Variants in EIF2AK1 observed in about 807,000 individuals in gnomAD.
EIF2AK1 encodes the protein eukaryotic translation initiation factor 2 alpha kinase 1, also known as eukaryotic translation initiation factor 2-alpha kinase 1.
A neutral mutation model predicts 77.9 loss-of-function variants in EIF2AK1; 54 were observed. The observed-to-expected ratio is 0.69, with a 90% CI of 0.56 to 0.87. The LOEUF (loss-of-function observed/expected upper bound fraction) is 0.87, where lower values mean the gene tolerates loss of function less well. Ranked by LOEUF, EIF2AK1 falls within the 40% of genes least tolerant of loss-of-function variation. The pLI, the probability that EIF2AK1 is intolerant of heterozygous loss-of-function variation, is 0.00. For synonymous variants in EIF2AK1, 314 were observed against 290.5 expected (o/e 1.08, Z -0.82); for missense variants, 810 against 768.6 (o/e 1.05, Z -0.64).
chr7:6,036,430 C>A lies in EIF2AK1; in HGVS notation c.1332+994G>T. ...CACAGCAGAGGGACTTTCAGCCACT[C>A]AAACTGCATTTTCTGGCTAGACATG... On this transcript the variant is annotated intron_variant, in intron 11 of 14. Coordinates refer to ENST00000199389, the MANE Select transcript of EIF2AK1 (RefSeq NM_014413.4). The surrounding 1 kb of genome is among the most constrained non-coding windows in gnomAD (Gnocchi z 4.6). 7.3e-7 allele frequency: 1 copy of A among 1,374,956 alleles called. No individual in the cohort carries two copies. The highest frequency in any genetic ancestry group is 1.6e-5 in the South Asian group (1 of 62,132). 85.2% of individuals were successfully genotyped at this position (1,374,956 alleles called of 1,614,324 possible).
intron 1 of EIF2AK1, 34 bp downstream of exon 1, chr7:6,058,932 A>G (rs1788873562): frequency 1.3e-6 from 2 of 1,485,972 alleles, no homozygotes; most frequent in Non-Finnish European, 1.8e-6. Context: ...GGACAGAGAG[A>G]GCAGAGCGGC....
rs1787767160 is a variant in EIF2AK1, at chr7:6,027,011, G to C, written c.1531-50C>G. The C allele has an allele frequency of 2.0e-6, 3 of 1,483,848 alleles. No individual in the cohort carries two copies. 91.9% of individuals were successfully genotyped at this position (1,483,848 alleles called of 1,614,324 possible). A position where few individuals can be genotyped will look rare whatever the true frequency, so the allele number is the denominator to read the frequency against. The stretch of plus-strand genomic sequence containing the variant: ...TCAGTAGTGAAATACAAAGTTAGAA[G>C]AACGTTTCCATTTCCGTGTTCCACC... On this transcript the variant is annotated intron_variant, in intron 13 of 14. Transcript: ENST00000199389. This position sits in a 1 kb window ranked among gnomAD's most constrained non-coding sequence, Gnocchi z 4.5.
chr7:6,042,164 A>G (rs2128889462), intron 8 of EIF2AK1, among the ~76,000 whole-genome samples: 1 of 152,098 alleles, frequency 6.6e-6, no homozygotes, highest in African/African-American at 2.4e-5. Context: ...AAATAATAAA[A>G]AATAGGCCAG....
In EIF2AK1 at chr7:6,035,338, G is replaced by A. The variant is rs1378434572; in HGVS notation, c.1332+2086C>T. 2.7e-6 allele frequency: 3 copies of A among 1,092,072 alleles called. No individual in the cohort carries two copies. The highest frequency in any genetic ancestry group is 1.3e-6 in the Non-Finnish European group (1 of 772,470). 67.6% of individuals were successfully genotyped at this position (1,092,072 alleles called of 1,614,324 possible). ...TTTGAAACACGTCCTTAAGGTAATTGAAGGGTCTTACTTTAAATAAATACT... is the reference window on the plus strand; with the variant it reads ...TTTGAAACACGTCCTTAAGGTAATTAAAGGGTCTTACTTTAAATAAATACT... On this transcript the variant is annotated intron_variant, in intron 11 of 14. Coordinates refer to ENST00000199389, the MANE Select transcript of EIF2AK1 (RefSeq NM_014413.4). This position sits in a 1 kb window ranked among gnomAD's most constrained non-coding sequence, Gnocchi z 5.5.
chr7:6,038,776 CT>C, intron 9 of EIF2AK1, 105 bp from the exon 10 acceptor site: 1 of 920,736 alleles, frequency 1.1e-6, no homozygotes, highest in East Asian at 2.9e-5. Flanking sequence ...GAGAGTAGGC[CT>C]CTAGGGAAGT....
chr7:6,042,440 G>A (rs1308697095), intron 8 of EIF2AK1, among the ~76,000 whole-genome samples: 1 of 145,478 alleles, frequency 6.9e-6, no homozygotes. Flanking sequence ...GACAGAGCGA[G>A]ACTCCATCTC....
intron 11 of EIF2AK1, among the ~76,000 whole-genome samples, chr7:6,029,513 C>A (rs1473978727): frequency 6.6e-6 from 1 of 150,980 alleles, no homozygotes; most frequent in Non-Finnish European, 1.5e-5. Context: ...AAAACCTCAA[C>A]ATTCAACCAT....
rs1233284667 is a variant in EIF2AK1 at position 6,027,711 on chromosome 7, G to A, written c.1531-750C>T. Among the ~76,000 whole-genome samples, 1 of 152,002 alleles carries A rather than the reference G, an allele frequency of 6.6e-6. No homozygotes were observed. The highest frequency in any genetic ancestry group is 1.5e-5 in the Non-Finnish European group (1 of 68,010). ...CAATGAGAAGAAAGGCTGAAAACAG[G>A]CTTCCATGAATTCTAGCTTCCTGAG... On this transcript the variant is annotated intron_variant, in intron 13 of 14. Coordinates refer to ENST00000199389, the MANE Select transcript of EIF2AK1 (RefSeq NM_014413.4). The surrounding 1 kb of genome is among the most constrained non-coding windows in gnomAD (Gnocchi z 4.5).
chr7:6,037,045 T>C lies in EIF2AK1; in HGVS notation c.1332+379A>G, dbSNP rs556551521. Among the ~76,000 whole-genome samples, 10 of 152,036 alleles carry C rather than the reference T, an allele frequency of 6.6e-5. No homozygotes were observed. The East Asian group carries it at 1.9e-3, about 29-fold the overall frequency. ...GAGTTCAAGATCAACCTGGGCAACA[T>C]AGTAAAACTCCATCTCTACAAAAAA... On this transcript the variant is annotated intron_variant, in intron 11 of 14. Coordinates refer to ENST00000199389, the MANE Select transcript of EIF2AK1 (RefSeq NM_014413.4).
At chr7:6,028,427 T>G (rs561531776) in intron 13 of EIF2AK1, among the ~76,000 whole-genome samples, 188 bp downstream of exon 13, 1 of 152,348 alleles carries the variant, frequency 6.6e-6, no homozygotes, top group African/African-American at 2.4e-5. Context: ...AATTTTTGTA[T>G]TTTTAGTAGA....
intron 2 of EIF2AK1, among the ~76,000 whole-genome samples, chr7:6,054,316 G>A: frequency 6.6e-6 from 1 of 151,898 alleles, no homozygotes; most frequent in East Asian, 1.9e-4. Context: ...CTGATTCTCC[G>A]CCTCAGCCTC....
In EIF2AK1 at chr7:6,047,153, C is replaced by T. The variant is rs1000634653; in HGVS notation, c.450-62G>A. 4.1e-6 allele frequency: 6 copies of T among 1,476,802 alleles called. No homozygotes were observed. In the South Asian group the frequency reaches 4.6e-5, roughly 11 times the overall value. 91.5% of individuals were successfully genotyped at this position (1,476,802 alleles called of 1,614,324 possible). ...GAGAGAATCAAAATGTTCTAGGATA[C>T]CTCATGCTCACAGGATTACTAACCT... is the stretch of plus-strand genomic sequence containing the variant. On this transcript the variant is annotated intron_variant, in intron 4 of 14. Transcript: ENST00000199389.
chr7:6,040,116 A>T (rs1166119348), intron 9 of EIF2AK1, among the ~76,000 whole-genome samples: 2 of 151,928 alleles, frequency 1.3e-5, no homozygotes, highest in Non-Finnish European at 2.9e-5. Context: ...GTCTTCCTCT[A>T]GTTGCCCAGG....
intron 12 of EIF2AK1, 104 bp from the exon 13 acceptor site, chr7:6,028,801 G>A: frequency 7.1e-7 from 1 of 1,404,754 alleles, no homozygotes; most frequent in Non-Finnish European, 1.0e-6. Flanking sequence ...AACAACAGTT[G>A]CTTTGTATCT....
rs138637023 is a variant in EIF2AK1 at position 6,059,165 on chromosome 7, G to A, written c.-82C>T. ...TCCGATGCTGCAGCTAGCGCCGTCC[G>A]ACCCGGAAGTAACCCCTCACCAGAC... On this transcript the variant is annotated 5_prime_UTR_variant, in exon 1 of 15. Transcript: ENST00000199389. 184 of 952,194 alleles carry A rather than the reference G, an allele frequency of 1.9e-4. 1 individual carries two copies. The East Asian group carries it at 4.4e-3, about 23-fold the overall frequency. The allele number at this position is 952,194 out of a possible 1,614,324, so 59.0% of individuals were successfully genotyped here.
At position 6,035,781 on chromosome 7, in the gene EIF2AK1, G is replaced by A; in HGVS notation, c.1332+1643C>T. 3.2e-6 allele frequency: 5 copies of A among 1,551,066 alleles called. No individual in the cohort carries two copies. Among genetic ancestry groups the A allele is most frequent in the Non-Finnish European group, 8.7e-7 (1 of 1,147,112 alleles). ...AAACATGCTGAATAAGGAGATGATG[G>A]AAACGCTCATTGCCTATGGAGCAAA... On this transcript the variant is annotated intron_variant, in intron 11 of 14. Coordinates refer to ENST00000199389, the MANE Select transcript of EIF2AK1 (RefSeq NM_014413.4). The surrounding 1 kb of genome is among the most constrained non-coding windows in gnomAD (Gnocchi z 5.5).
intron 2 of EIF2AK1, 80 bp downstream of exon 2, chr7:6,054,466 A>G: frequency 6.6e-7 from 1 of 1,517,560 alleles, no homozygotes; most frequent in East Asian, 2.3e-5. Context: ...AGCCTCCCAA[A>G]GTGCTGGGAT....
chr7:6,025,606 T>C (rs1240715076), intron 14 of EIF2AK1, among the ~76,000 whole-genome samples: 9 of 152,252 alleles, frequency 5.9e-5, no homozygotes, highest in Admixed American at 5.9e-4. Flanking sequence ...TGCACAAATA[T>C]GAGTCTAAGC....
chr7:6,038,541 A>C lies in EIF2AK1; in HGVS notation c.1231+19T>G. 2 of 1,595,772 alleles carry C rather than the reference A, an allele frequency of 1.3e-6. No individual in the cohort carries two copies. The highest frequency in any genetic ancestry group is 1.7e-6 in the Non-Finnish European group (2 of 1,169,092). ...GACTGTGTCTATTTCCCGGCCCGGC[A>C]GACCCAGATGGTACTCACAGGCAGA... On this transcript the variant is annotated intron_variant, in intron 10 of 14. Coordinates refer to ENST00000199389, the MANE Select transcript of EIF2AK1 (RefSeq NM_014413.4).
Sources: gnomAD v4.1 joint callset for allele counts (sites outside exome capture counted in the v4.1 genomes callset) on GRCh38, gnomAD v4.1.1 for gene constraint, Gnocchi (gnomAD v3.1) non-coding constraint, MANE v1.5 for transcripts, NCBI Gene and HGNC (gene_info 2026-07-23, HGNC 2026-07-21) for gene names.